The following DRAXIN variants were observed in gnomAD, a reference collection of about 807,000 sequenced individuals.
DRAXIN encodes the protein dorsal repulsive axon guidance protein.
In DRAXIN, 27 loss-of-function variants were observed where a neutral mutation model predicts 33.9. That is an observed-to-expected ratio of 0.80 (90% CI 0.59 to 1.10). The LOEUF (loss-of-function observed/expected upper bound fraction) is 1.10. Among genes scored for constraint, DRAXIN ranks in the 50% least tolerant of loss-of-function variants. The pLI, the probability that DRAXIN is intolerant of heterozygous loss-of-function variation, is 0.00. For synonymous variants in DRAXIN, 178 were observed against 194.0 expected, an observed-to-expected ratio of 0.92 and a Z score of 0.69; for missense variants, 371 against 460.8, an observed-to-expected ratio of 0.81 and a Z score of 1.78.
intron 6 of DRAXIN, among the ~76,000 whole-genome samples, chr1:11,718,409 T>C (rs531633599): frequency 1.3e-5 from 2 of 152,236 alleles, no homozygotes; most frequent in South Asian, 4.1e-4. Context: ...TAATAACCTT[T>C]TTCCTTTCCA....
chr1:11,687,947 A>C (rs1157609918), upstream of DRAXIN, among the ~76,000 whole-genome samples: 1 of 152,182 alleles, frequency 6.6e-6, no homozygotes, highest in Non-Finnish European at 1.5e-5. The surrounding 1 kb of genome is among the most constrained non-coding windows in gnomAD (Gnocchi z 4.1). Flanking sequence ...TAAAGTCATC[A>C]TAAACTGGAT....
chr1:11,697,202 G>T (rs996316001), intron 1 of DRAXIN, among the ~76,000 whole-genome samples: 4 of 152,212 alleles, frequency 2.6e-5, no homozygotes, highest in African/African-American at 9.7e-5. Flanking sequence ...CAGCTTAGTG[G>T]GTTTGGGCTG....
chr1:11,712,192 C>T, intron 4 of DRAXIN, 148 bp from the exon 5 acceptor site: 2 of 981,964 alleles, frequency 2.0e-6, no homozygotes, highest in Non-Finnish European at 3.2e-6. Flanking sequence ...TCATGTTACC[C>T]TGAGGGAAAA....
At chr1:11,712,956 T>G (rs1419070313) in intron 5 of DRAXIN, among the ~76,000 whole-genome samples, 4 of 147,588 alleles carry the variant, frequency 2.7e-5, no homozygotes, top group Non-Finnish European at 4.5e-5. Context: ...TCCCAGCACT[T>G]TGGGAGGCCG....
In DRAXIN at chr1:11,724,943, G is replaced by C. The variant is rs1485057750; in HGVS notation, c.*5247G>C. 2 of 152,272 alleles carry C rather than the reference G, an allele frequency of 1.3e-5. No homozygotes were observed. Among genetic ancestry groups the C allele is most frequent in the African/African-American group, 4.8e-5 (2 of 41,450 alleles). The allele number at this position is 152,272 out of a possible 1,614,324, so 9.4% of individuals were successfully genotyped here. On this transcript the variant is annotated 3_prime_UTR_variant, in exon 7 of 7. Coordinates refer to ENST00000294485, the MANE Select transcript of DRAXIN (RefSeq NM_198545.4). ...CTGGGAAGGGCAGTTTGCAGAACCA[G>C]GGGTTTATATTGCAGGGAGTGTATT... is the stretch of plus-strand genomic sequence containing the variant.
chr1:11,721,488 G>T lies in DRAXIN; in HGVS notation c.*1792G>T, dbSNP rs1641659085. 1 of 152,208 alleles carries T rather than the reference G, an allele frequency of 6.6e-6. No individual in the cohort carries two copies. Among genetic ancestry groups the T allele is most frequent in the Non-Finnish European group, 1.5e-5 (1 of 68,052 alleles). 9.4% of individuals were successfully genotyped at this position (152,208 alleles called of 1,614,324 possible). On this transcript the variant is annotated 3_prime_UTR_variant, in exon 7 of 7. Transcript: ENST00000294485. ...CCTGGCCAAATTCCTCACTGGCCTG[G>T]ATCACGCCCATAAGATGCCAGAGAT...
In DRAXIN at chr1:11,706,017, G is replaced by T. The variant is rs1397923957; in HGVS notation, c.-10-232G>T. Among the ~76,000 whole-genome samples, 2 of 152,098 alleles carry T rather than the reference G, an allele frequency of 1.3e-5. No homozygotes were observed. The highest frequency in any genetic ancestry group is 1.9e-4 in the East Asian group (1 of 5,186). On this transcript the variant is annotated intron_variant, in intron 1 of 6. Transcript: ENST00000294485. The surrounding 1 kb of genome is among the most constrained non-coding windows in gnomAD (Gnocchi z 5.5). ...GGCCGGATGATTCTTGGTTTCGGGG[G>T]CTGTCCTGTGCATTGTCGGGCGTTT... is the stretch of plus-strand genomic sequence containing the variant.
In DRAXIN at chr1:11,694,028, A is replaced by T. The variant is rs1334562764; in HGVS notation, c.-11+2175A>T. ...CTCTTTCTGCCCTGCCCTGTGTTTG[A>T]TCTCAGCCCTCTGTCTTTGCTGACC... On this transcript the variant is annotated intron_variant, in intron 1 of 6. Transcript: ENST00000294485. The surrounding 1 kb of genome is among the most constrained non-coding windows in gnomAD (Gnocchi z 4.9). Among the ~76,000 whole-genome samples the T allele has an allele frequency of 1.3e-5, 2 of 151,862 alleles. No homozygotes were observed. Among genetic ancestry groups the T allele is most frequent in the African/African-American group, 4.8e-5 (2 of 41,306 alleles).
Position 11,709,401 on chromosome 1 carries a change from C to A in DRAXIN, c.578C>A (p.Thr193Asn). Residue 193 changes from threonine (T) to asparagine (N), a missense_variant, in exon 3 of 7, where the codon ACC becomes AAC. Thr to Asn is a moderately conservative substitution (Grantham distance 65). Transcript: ENST00000294485. The part of the protein sequence containing the change: ...SLAPTMFFLT[T>N]FEAAPATEES... ...GCGCCCACCATGTTCTTTCTCACCA[C>A]CTTTGAGGCAGCACCTGCCACAGAA... The A allele has an allele frequency of 6.2e-7, 1 of 1,614,088 alleles. No homozygotes were observed. Among genetic ancestry groups the A allele is most frequent in the Non-Finnish European group, 8.5e-7 (1 of 1,180,000 alleles).
chr1:11,716,728 A>G (rs904960830), intron 6 of DRAXIN, among the ~76,000 whole-genome samples: 1 of 152,192 alleles, frequency 6.6e-6, no homozygotes, highest in African/African-American at 2.4e-5. Flanking sequence ...GCTGGAGTGC[A>G]GTGGCGCAAT....
chr1:11,704,703 G>A lies in DRAXIN; in HGVS notation c.-10-1546G>A, dbSNP rs1363280432. On this transcript the variant is annotated intron_variant, in intron 1 of 6. Transcript: ENST00000294485. The surrounding 1 kb of genome is among the most constrained non-coding windows in gnomAD (Gnocchi z 4.6). ...CAACAAGCCTGTCCCAGGGTCCCAC[G>A]CACGTCACCAAGGCTCACCTAGTAT... 6.6e-6 allele frequency among the ~76,000 whole-genome samples: 1 copy of A among 152,194 alleles called. No individual in the cohort carries two copies. Among genetic ancestry groups the A allele is most frequent in the Admixed American group, 6.5e-5 (1 of 15,286 alleles).
chr1:11,688,145 G>A (rs1640995127), upstream of DRAXIN, among the ~76,000 whole-genome samples: 1 of 152,176 alleles, frequency 6.6e-6, no homozygotes, highest in African/African-American at 2.4e-5. This position sits in a 1 kb window ranked among gnomAD's most constrained non-coding sequence, Gnocchi z 4.6. Context: ...CGCAAATCAT[G>A]CTGGCTGCAC....
At chr1:11,717,517 C>T (rs957346466) in intron 6 of DRAXIN, among the ~76,000 whole-genome samples, 1 of 150,940 alleles carries the variant, frequency 6.6e-6, no homozygotes, top group African/African-American at 2.4e-5. Context: ...CAAAAATTAG[C>T]CGGGTGTGGT....
intron 6 of DRAXIN, 34 bp downstream of exon 6, chr1:11,715,242 T>A: frequency 1.9e-6 from 3 of 1,613,178 alleles, no homozygotes; most frequent in Non-Finnish European, 2.5e-6. Flanking sequence ...GGGCTACCCA[T>A]GCTCTGAGAA....
At chr1:11,703,680 A>C (rs528942208) in intron 1 of DRAXIN, among the ~76,000 whole-genome samples, 1 of 152,144 alleles carries the variant, frequency 6.6e-6, no homozygotes, top group South Asian at 2.1e-4. Flanking sequence ...CCTTGGATGC[A>C]CCCCCATGGG....
chr1:11,704,916 C>G lies in DRAXIN; in HGVS notation c.-10-1333C>G, dbSNP rs1181237934. On this transcript the variant is annotated intron_variant, in intron 1 of 6. Coordinates refer to ENST00000294485, the MANE Select transcript of DRAXIN (RefSeq NM_198545.4). This position sits in a 1 kb window ranked among gnomAD's most constrained non-coding sequence, Gnocchi z 4.6. ...TGAAGCCACCACAGACCCTGCGAGG[C>G]TGGAGAAGGTGTTTCCCCCCTCCCC... 6.6e-6 allele frequency among the ~76,000 whole-genome samples: 1 copy of G among 152,172 alleles called. No individual in the cohort carries two copies. Among genetic ancestry groups the G allele is most frequent in the Non-Finnish European group, 1.5e-5 (1 of 68,026 alleles).
intron 1 of DRAXIN, among the ~76,000 whole-genome samples, chr1:11,702,790 T>C (rs1291974018): frequency 6.6e-6 from 1 of 151,642 alleles, no homozygotes; most frequent in Non-Finnish European, 1.5e-5. Flanking sequence ...TCGCCCAGGT[T>C]GGAGTGCAGA....
intron 1 of DRAXIN, among the ~76,000 whole-genome samples, chr1:11,702,604 T>A (rs1479806860): frequency 6.8e-6 from 1 of 147,724 alleles, no homozygotes; most frequent in Non-Finnish European, 1.5e-5. Flanking sequence ...TATTCACGCT[T>A]ACACATGATC....
At chr1:11,710,755 A>T in intron 3 of DRAXIN, among the ~76,000 whole-genome samples, 1 of 135,300 alleles carries the variant, frequency 7.4e-6, no homozygotes, top group Non-Finnish European at 1.5e-5. Flanking sequence ...TCTACTAAAA[A>T]TACAAAAAAA....
Sources: gnomAD v4.1 joint callset for allele counts (sites outside exome capture counted in the v4.1 genomes callset) on GRCh38, gnomAD v4.1.1 for gene constraint, Gnocchi (gnomAD v3.1) non-coding constraint, MANE v1.5 for transcripts, NCBI Gene and HGNC (gene_info 2026-07-23, HGNC 2026-07-21) for gene names.